The following AHCYL2 variants were observed in gnomAD, a reference collection of about 807,000 sequenced individuals.
AHCYL2 encodes the protein S-adenosylhomocysteine hydrolase-like protein 2.
A neutral mutation model predicts 81.4 loss-of-function variants in AHCYL2; 28 were observed. The ratio of observed to expected loss-of-function variants is 0.34; its 90% CI spans 0.25 to 0.47. The LOEUF (loss-of-function observed/expected upper bound fraction) is 0.47, where lower values mean the gene tolerates loss of function less well. AHCYL2 is among the 20% of genes least tolerant of loss of function. AHCYL2 has a pLI of 1.00. For missense variants in AHCYL2, 551 were observed against 785.1 expected, an observed-to-expected ratio of 0.70 and a Z score of 3.56; for synonymous variants, 272 against 290.2, an observed-to-expected ratio of 0.94 and a Z score of 0.64.
At chr7:129,239,205 CAGTTTATTA>C (rs1794751552) in intron 1 of AHCYL2, among the ~76,000 whole-genome samples, 1 of 152,098 alleles carries the variant, frequency 6.6e-6, no homozygotes, top group Non-Finnish European at 1.5e-5. Flanking sequence ...TAGTTAGAGA[CAGTTTATTA>C]AGTTTGGAAT....
intron 1 of AHCYL2, among the ~76,000 whole-genome samples, chr7:129,297,429 C>CG (rs1797091134): frequency 6.6e-6 from 1 of 152,100 alleles, no homozygotes; most frequent in Non-Finnish European, 1.5e-5. Flanking sequence ...GGAAAACTAG[C>CG]GAACAGCTCC....
intron 1 of AHCYL2, among the ~76,000 whole-genome samples, chr7:129,260,076 CAA>C (rs35687709): frequency 4.9e-4 from 33 of 67,622 alleles, no homozygotes; most frequent in Admixed American, 6.2e-4. Flanking sequence ...AACTCCATCT[CAA>C]AAAAAAAAAA....
intron 2 of AHCYL2, chr7:129,388,818 C>T (rs747220961): frequency 4.9e-5 from 21 of 428,306 alleles, no homozygotes; most frequent in Non-Finnish European, 6.2e-5. Context: ...AGGACCTCTG[C>T]GTGTTCTGAA....
chr7:129,280,251 C>A (rs569357653), intron 1 of AHCYL2, among the ~76,000 whole-genome samples: 3 of 142,288 alleles, frequency 2.1e-5, no homozygotes, highest in Non-Finnish European at 3.0e-5. Context: ...CTCACTGCAA[C>A]CTCTGCCTCC....
At chr7:129,231,504 AGTTT>A (rs1386833464) in intron 1 of AHCYL2, among the ~76,000 whole-genome samples, 1 of 152,200 alleles carries the variant, frequency 6.6e-6, no homozygotes, top group East Asian at 1.9e-4. Flanking sequence ...AAGAATATGC[AGTTT>A]GTTTCATGGT....
chr7:129,401,849 G>A (rs1796053209), intron 6 of AHCYL2, among the ~76,000 whole-genome samples: 1 of 152,190 alleles, frequency 6.6e-6, no homozygotes. Context: ...TTAATAAAGA[G>A]AGTAAGACAA....
chr7:129,268,796 C>G (rs996886433), intron 1 of AHCYL2, among the ~76,000 whole-genome samples: 1 of 152,152 alleles, frequency 6.6e-6, no homozygotes, highest in African/African-American at 2.4e-5. Flanking sequence ...ATAAGTAGAC[C>G]TCTTTACTTT....
rs1796228090 is a variant in AHCYL2, at chr7:129,276,865, G to T, written c.363+51426G>T. Among the ~76,000 whole-genome samples the T allele has an allele frequency of 2.0e-5, 3 of 151,580 alleles. No individual in the cohort carries two copies. In the South Asian group the frequency reaches 6.2e-4, roughly 31 times the overall value. ...AGATTAATCAGCAAGACAGAGTGAAGATACAGATACCACTAAGATTGAACA... is the reference window on the plus strand; with the variant it reads ...AGATTAATCAGCAAGACAGAGTGAATATACAGATACCACTAAGATTGAACA... On this transcript the variant is annotated intron_variant, in intron 1 of 16. Coordinates refer to ENST00000325006, the MANE Select transcript of AHCYL2 (RefSeq NM_015328.4).
chr7:129,355,118 G>C (rs1191038350), intron 1 of AHCYL2, among the ~76,000 whole-genome samples: 1 of 152,178 alleles, frequency 6.6e-6, no homozygotes, highest in Non-Finnish European at 1.5e-5. Context: ...CTACAGAGCT[G>C]AGGTCAAACA....
At chr7:129,389,593 CCTT>C (rs748186443) in intron 3 of AHCYL2, 38 bp from the exon 4 acceptor site, 1 of 1,474,566 alleles carries the variant, frequency 6.8e-7, no homozygotes, top group Admixed American at 1.9e-5. Context: ...ATCTCTTATT[CCTT>C]CTTCTTTAAT....
chr7:129,363,175 T>C (rs1413814505), intron 1 of AHCYL2, among the ~76,000 whole-genome samples: 3 of 152,216 alleles, frequency 2.0e-5, no homozygotes, highest in South Asian at 2.1e-4. Context: ...GCATAACTTT[T>C]TTTTGAAGTT....
At chr7:129,421,211 C>T (rs756191248) in intron 12 of AHCYL2, among the ~76,000 whole-genome samples, 4 of 149,044 alleles carry the variant, frequency 2.7e-5, no homozygotes, top group Non-Finnish European at 5.9e-5. Flanking sequence ...AAGATCATGC[C>T]ATTGCACTGC....
At chr7:129,238,702 A>G (rs954928816) in intron 1 of AHCYL2, among the ~76,000 whole-genome samples, 3 of 152,222 alleles carry the variant, frequency 2.0e-5, no homozygotes, top group Admixed American at 6.5e-5. Context: ...TTGCAATCCC[A>G]GCACTTTGGG....
intron 1 of AHCYL2, among the ~76,000 whole-genome samples, chr7:129,251,478 G>A (rs971043262): frequency 1.3e-5 from 2 of 151,994 alleles, no homozygotes; most frequent in Admixed American, 6.6e-5. Flanking sequence ...TGTCTATTTA[G>A]TTTAAACAGG....
At chr7:129,323,103 G>A (rs977439099) in intron 1 of AHCYL2, among the ~76,000 whole-genome samples, 1 of 151,812 alleles carries the variant, frequency 6.6e-6, no homozygotes, top group African/African-American at 2.4e-5. Context: ...AATTTCTGCT[G>A]TGGAAAAAAA....
At chr7:129,239,532 A>C (rs1480881152) in intron 1 of AHCYL2, among the ~76,000 whole-genome samples, 3 of 151,660 alleles carry the variant, frequency 2.0e-5, no homozygotes, top group African/African-American at 7.3e-5. Context: ...CTGCAGCCTC[A>C]AACTGCTGGG....
intron 5 of AHCYL2, 118 bp downstream of exon 5, chr7:129,397,442 G>A (rs1305940794): frequency 1.6e-5 from 16 of 990,568 alleles, no homozygotes; most frequent in Non-Finnish European, 2.4e-5. Context: ...GGAAGAAATG[G>A]ATCTCGATTC....
intron 1 of AHCYL2, among the ~76,000 whole-genome samples, chr7:129,249,425 CTT>C (rs374366259): frequency 6.8e-6 from 1 of 147,688 alleles, no homozygotes. Context: ...ACATTATCTT[CTT>C]TTTTTTTTTG....
chr7:129,341,441 G>A (rs1793176135), intron 1 of AHCYL2, among the ~76,000 whole-genome samples: 3 of 152,182 alleles, frequency 2.0e-5, no homozygotes. Context: ...GTGGATGTGG[G>A]GAGGGAGGCT....
Sources: allele counts gnomAD v4.1 joint callset (sites outside exome capture counted in the v4.1 genomes callset), GRCh38; gene constraint gnomAD v4.1.1; transcripts MANE v1.5; gene names NCBI Gene and HGNC (gene_info 2026-07-23, HGNC 2026-07-21).